Variants in MGAT4C observed in about 807,000 individuals in gnomAD.
MGAT4C encodes the protein MGAT4 family member C, also known as alpha-1,3-mannosyl-glycoprotein 4-beta-N-acetylglucosaminyltransferase C.
Under a neutral mutation model 40.1 loss-of-function variants are expected in MGAT4C, and 19 were observed. That is an observed-to-expected ratio of 0.47 (90% CI 0.33 to 0.70). The LOEUF is 0.70. Among genes scored for constraint, MGAT4C ranks in the 30% least tolerant of loss-of-function variants. MGAT4C has a pLI of 0.02. For synonymous variants in MGAT4C, 181 were observed against 187.1 expected (o/e 0.97, Z 0.27); for missense variants, 491 against 563.2 (o/e 0.87, Z 1.30).
At chr12:86,739,861 C>A (rs1273447011) in intron 1 of MGAT4C, among the ~76,000 whole-genome samples, 1 of 150,454 alleles carries the variant, frequency 6.6e-6, no homozygotes, top group Non-Finnish European at 1.5e-5. Flanking sequence ...CACACAAACA[C>A]ACACACACAC....
intron 2 of MGAT4C, among the ~76,000 whole-genome samples, chr12:86,650,666 G>A (rs2136534440): frequency 6.6e-6 from 1 of 152,000 alleles, no homozygotes; most frequent in East Asian, 1.9e-4. Flanking sequence ...TGTGATTCTT[G>A]TAGAGATTGA....
At position 86,312,253 on chromosome 12, in the gene MGAT4C, A is replaced by G. The variant is rs114725132; in HGVS notation, c.-57+21812T>C. 5.7e-3 allele frequency among the ~76,000 whole-genome samples: 872 copies of G among 152,368 alleles called. 6 individuals are homozygous for G. The highest frequency in any genetic ancestry group is 0.02 in the African/African-American group (832 of 41,578). ...GCAACATCAAAATAAATGGTCCAGC[A>G]AAACCTGAAGGTGCTTTAAAATGTA... On this transcript the variant is annotated intron_variant, in intron 4 of 7. Transcript: ENST00000548651.
chr12:86,078,197 A>G (rs1260978472), intron 1 of MGAT4C, among the ~76,000 whole-genome samples: 1 of 152,178 alleles, frequency 6.6e-6, no homozygotes, highest in African/African-American at 2.4e-5. Flanking sequence ...TCAGCCTTCT[A>G]GAGAACTTTG....
chr12:86,416,620 A>G (rs1365683991), intron 3 of MGAT4C, among the ~76,000 whole-genome samples: 1 of 152,122 alleles, frequency 6.6e-6, no homozygotes, highest in Non-Finnish European at 1.5e-5. Flanking sequence ...TAACAGGAAC[A>G]AAGAAGTAGG....
chr12:86,682,335 G>A (rs948542956), intron 2 of MGAT4C, among the ~76,000 whole-genome samples: 2 of 151,944 alleles, frequency 1.3e-5, no homozygotes, highest in African/African-American at 2.4e-5. Context: ...TCAGAGTGAA[G>A]AGGTAACATG....
chr12:86,238,411 T>TAAA (rs956654770), intron 1 of MGAT4C, among the ~76,000 whole-genome samples: 5 of 151,994 alleles, frequency 3.3e-5, no homozygotes, highest in Admixed American at 1.3e-4. Flanking sequence ...TACAAAATCA[T>TAAA]AAAAAAATCA....
intron 1 of MGAT4C, among the ~76,000 whole-genome samples, chr12:86,058,147 C>T (rs959183881): frequency 6.6e-6 from 1 of 151,924 alleles, no homozygotes; most frequent in African/African-American, 2.4e-5. Flanking sequence ...GATTTCATGA[C>T]CTAAATTGGC....
chr12:86,782,282 C>T (rs972944592), intron 1 of MGAT4C, among the ~76,000 whole-genome samples: 10 of 142,366 alleles, frequency 7.0e-5, no homozygotes, highest in South Asian at 2.4e-4. Context: ...CCCGGGTTCA[C>T]GCCATTCTCC....
intron 3 of MGAT4C, among the ~76,000 whole-genome samples, chr12:86,365,668 A>G (rs886896155): frequency 6.6e-6 from 1 of 151,642 alleles, no homozygotes; most frequent in African/African-American, 2.4e-5. Context: ...GACTTCCCGC[A>G]ACATTTCCCC....
intron 2 of MGAT4C, among the ~76,000 whole-genome samples, chr12:86,540,413 G>C (rs1351538204): frequency 1.3e-5 from 2 of 152,182 alleles, no homozygotes; most frequent in Non-Finnish European, 2.9e-5. Context: ...GACTGTATCA[G>C]GGTCAACATC....
At chr12:86,071,695 C>T (rs1260547676) in intron 1 of MGAT4C, among the ~76,000 whole-genome samples, 1 of 152,092 alleles carries the variant, frequency 6.6e-6, no homozygotes, top group East Asian at 1.9e-4. Flanking sequence ...ATCTAATCAT[C>T]TCAACAATTG....
chr12:86,634,870 C>G (rs1318531060), intron 2 of MGAT4C, among the ~76,000 whole-genome samples: 1 of 152,112 alleles, frequency 6.6e-6, no homozygotes, highest in Non-Finnish European at 1.5e-5. Context: ...ATAGGTTCAG[C>G]CTTCATGAAA....
intron 1 of MGAT4C, among the ~76,000 whole-genome samples, chr12:86,196,786 C>T (rs1430846597): frequency 6.6e-6 from 1 of 152,306 alleles, no homozygotes; most frequent in East Asian, 1.9e-4. Flanking sequence ...GAGCAAATTT[C>T]CAGCCACACA....
chr12:86,771,881 G>T (rs1336173704), intron 1 of MGAT4C, among the ~76,000 whole-genome samples: 1 of 152,030 alleles, frequency 6.6e-6, no homozygotes, highest in East Asian at 1.9e-4. Flanking sequence ...GTGGAAAATA[G>T]AACTTTTATA....
At chr12:86,762,291 T>C (rs1951421677) in intron 1 of MGAT4C, among the ~76,000 whole-genome samples, 1 of 152,076 alleles carries the variant, frequency 6.6e-6, no homozygotes, top group African/African-American at 2.4e-5. Flanking sequence ...ACTCAAGCAA[T>C]CTGCTAGCCT....
chr12:85,987,678 T>C (rs1386123290), intron 3 of MGAT4C, among the ~76,000 whole-genome samples: 1 of 152,202 alleles, frequency 6.6e-6, no homozygotes, highest in Non-Finnish European at 1.5e-5. Flanking sequence ...ACATATACTC[T>C]ACTACTTCTT....
chr12:86,493,949 C>T (rs935925545), intron 2 of MGAT4C, among the ~76,000 whole-genome samples: 17 of 151,802 alleles, frequency 1.1e-4, no homozygotes, highest in Non-Finnish European at 2.2e-4. Context: ...CGATTTTTTT[C>T]TCTCTCTTTT....
At chr12:86,786,117 G>T (rs1416365677) in intron 1 of MGAT4C, among the ~76,000 whole-genome samples, 2 of 151,950 alleles carry the variant, frequency 1.3e-5, no homozygotes, top group African/African-American at 4.8e-5. Context: ...AGAACAAAGA[G>T]AACTAAAACA....
intron 4 of MGAT4C, among the ~76,000 whole-genome samples, chr12:86,271,843 T>C (rs1038036903): frequency 1.3e-5 from 2 of 152,172 alleles, no homozygotes; most frequent in African/African-American, 4.8e-5. Context: ...ATCCTGTCAT[T>C]TGCAGCAACA....
Sources: allele counts gnomAD v4.1 joint callset (sites outside exome capture counted in the v4.1 genomes callset), GRCh38; gene constraint gnomAD v4.1.1; transcripts MANE v1.5; gene names NCBI Gene and HGNC (gene_info 2026-07-23, HGNC 2026-07-21).